Variants in GHR observed in about 807,000 individuals in gnomAD.
GHR encodes the protein growth hormone receptor, also known as GH receptor.
Under a neutral mutation model 67.1 loss-of-function variants are expected in GHR, and 35 were observed. The ratio of observed to expected loss-of-function variants is 0.52; its 90% confidence interval spans 0.40 to 0.69. The LOEUF (loss-of-function observed/expected upper bound fraction) is 0.69, where lower values mean the gene tolerates loss of function less well. Among genes scored for constraint, GHR ranks in the 30% least tolerant of loss-of-function variants. The pLI is 0.00. For missense variants in GHR, 792 were observed against 764.6 expected (o/e 1.04, Z -0.42); for synonymous variants, 272 against 269.1 (o/e 1.01, Z -0.10).
At chr5:42,433,732 A>AT (rs35539827) in intron 1 of GHR, among the ~76,000 whole-genome samples, 14,305 of 77,582 alleles carry the variant, frequency 0.18, 1,237 homozygotes, top group African/African-American at 0.27. Flanking sequence ...AAGATATGGT[A>AT]TTTTTTTTTT....
Position 42,719,424 on chromosome 5 carries a change from G to C in GHR, c.1917G>C (p.Ter639TyrextTer16), listed in dbSNP as rs1579680213. Residue 639 changes from the stop codon to tyrosine (Y), a stop_lost, in exon 10 of 10, where the codon TAG becomes TAC. Transcript: ENST00000230882. ...STDQLNKIMP[*>Y] ...ACCAACTGAACAAAATCATGCCTTA[G>C]CCTTTCTTTGGTTTCCCAAGAGCTA... The C allele has an allele frequency of 2.5e-6, 4 of 1,611,888 alleles. No homozygotes were observed. Among genetic ancestry groups the C allele is most frequent in the Non-Finnish European group, 3.4e-6 (4 of 1,179,830 alleles).
chr5:42,436,482 G>T (rs938162126), intron 1 of GHR, among the ~76,000 whole-genome samples: 1 of 152,110 alleles, frequency 6.6e-6, no homozygotes, highest in African/African-American at 2.4e-5. Context: ...TTCAAAACCT[G>T]CCTAACATCT....
At chr5:42,455,618 A>T (rs2112020732) in intron 1 of GHR, among the ~76,000 whole-genome samples, 1 of 152,338 alleles carries the variant, frequency 6.6e-6, no homozygotes, top group Admixed American at 6.5e-5. Flanking sequence ...GTATTTACTG[A>T]GGTGCTAAAA....
At chr5:42,684,026 TGA>T (rs1337872014) in intron 3 of GHR, among the ~76,000 whole-genome samples, 1 of 152,212 alleles carries the variant, frequency 6.6e-6, no homozygotes, top group Non-Finnish European at 1.5e-5. Flanking sequence ...GTTTTGAAGT[TGA>T]GTTTATTATT....
chr5:42,458,928 C>A (rs1744373318), intron 1 of GHR, among the ~76,000 whole-genome samples: 1 of 152,078 alleles, frequency 6.6e-6, no homozygotes, highest in South Asian at 2.1e-4. Context: ...ATCAAAACCA[C>A]AATGAGATAC....
At chr5:42,484,787 C>A (rs963321234) in intron 1 of GHR, among the ~76,000 whole-genome samples, 1 of 152,222 alleles carries the variant, frequency 6.6e-6, no homozygotes, top group Non-Finnish European at 1.5e-5. Flanking sequence ...GTAGTGTATT[C>A]TTCCTTTCCT....
chr5:42,582,575 C>T (rs1430065319), intron 2 of GHR, among the ~76,000 whole-genome samples: 1 of 152,234 alleles, frequency 6.6e-6, no homozygotes, highest in Non-Finnish European at 1.5e-5. Flanking sequence ...GGGACAAGAA[C>T]TCAGGACCCA....
intron 1 of GHR, among the ~76,000 whole-genome samples, chr5:42,523,816 A>T (rs1252745104): frequency 6.6e-6 from 1 of 152,142 alleles, no homozygotes; most frequent in Admixed American, 6.6e-5. Context: ...TAATTGAATC[A>T]TGGGAGCCAG....
intron 1 of GHR, among the ~76,000 whole-genome samples, chr5:42,557,476 A>G (rs1478908856): frequency 6.6e-6 from 1 of 152,350 alleles, no homozygotes; most frequent in South Asian, 2.1e-4. Context: ...GACTTCAGTA[A>G]GTGTAATAAC....
chr5:42,652,011 A>G (rs2112826878), intron 3 of GHR, among the ~76,000 whole-genome samples: 1 of 152,314 alleles, frequency 6.6e-6, no homozygotes, highest in African/African-American at 2.4e-5. Flanking sequence ...ATGCTGCTCC[A>G]TGGATTTCAA....
intron 1 of GHR, among the ~76,000 whole-genome samples, chr5:42,556,712 A>G (rs1294951288): frequency 4.0e-5 from 6 of 151,850 alleles, no homozygotes; most frequent in Admixed American, 6.6e-5. Flanking sequence ...CCGTTAGTGC[A>G]CCAAGTGAAT....
intron 7 of GHR, among the ~76,000 whole-genome samples, chr5:42,713,171 C>T (rs1269393368): frequency 6.6e-6 from 1 of 151,958 alleles, no homozygotes; most frequent in African/African-American, 2.4e-5. Context: ...ATAAAACACA[C>T]ATTGATTTTG....
At position 42,718,727 on chromosome 5, in the gene GHR, G is replaced by T; in HGVS notation, c.1220G>T (p.Gly407Val). The T allele has an allele frequency of 3.7e-6, 6 of 1,614,018 alleles. No homozygotes were observed. The highest frequency in any genetic ancestry group is 5.1e-6 in the Non-Finnish European group (6 of 1,179,944). ...TTCAATGCCAATGACATACATGAGG[G>T]TACCTCAGAGGTTGCTCAGCCACAG... ...TDFNANDIHE[G>V]TSEVAQPQRL... The change falls in exon 10 of 10, where the codon GGT becomes GTT. Residue 407 changes from glycine (G) to valine (V), a missense_variant. Gly to Val is a moderately radical substitution (Grantham distance 109). Transcript: ENST00000230882.
At chr5:42,643,044 C>A (rs1016288151) in intron 3 of GHR, among the ~76,000 whole-genome samples, 1 of 152,094 alleles carries the variant, frequency 6.6e-6, no homozygotes, top group Non-Finnish European at 1.5e-5. Flanking sequence ...CTGTAAAGAC[C>A]CTTTTTCCAA....
At chr5:42,656,371 G>A (rs1755255879) in intron 3 of GHR, among the ~76,000 whole-genome samples, 8 of 152,158 alleles carry the variant, frequency 5.3e-5, no homozygotes. Flanking sequence ...TTTGAAGACA[G>A]TAAACTGTAG....
At chr5:42,657,360 C>T (rs1755308874) in intron 3 of GHR, among the ~76,000 whole-genome samples, 1 of 152,144 alleles carries the variant, frequency 6.6e-6, no homozygotes, top group African/African-American at 2.4e-5. Flanking sequence ...ATGATTTTCT[C>T]TGCCAAAGTA....
At chr5:42,529,248 T>A (rs556287422) in intron 1 of GHR, among the ~76,000 whole-genome samples, 2 of 152,252 alleles carry the variant, frequency 1.3e-5, no homozygotes, top group African/African-American at 4.8e-5. Flanking sequence ...CCTGACCACG[T>A]GATCCACCCT....
At chr5:42,454,040 G>T (rs1370817813) in intron 1 of GHR, among the ~76,000 whole-genome samples, 2 of 152,212 alleles carry the variant, frequency 1.3e-5, no homozygotes. Flanking sequence ...CTTCCTGAGA[G>T]CCAGATTGCA....
At chr5:42,686,057 G>T (rs1757123226) in intron 3 of GHR, among the ~76,000 whole-genome samples, 1 of 152,156 alleles carries the variant, frequency 6.6e-6, no homozygotes, top group Non-Finnish European at 1.5e-5. Flanking sequence ...TTTTCTTCTA[G>T]GGTTTTTATG....
Sources: allele counts gnomAD v4.1 joint callset (sites outside exome capture counted in the v4.1 genomes callset), GRCh38; gene constraint gnomAD v4.1.1; transcripts MANE v1.5; gene names NCBI Gene and HGNC (gene_info 2026-07-23, HGNC 2026-07-21).